The following DNASE1 variants were observed in gnomAD, a reference collection of about 807,000 sequenced individuals.
DNASE1 encodes the protein deoxyribonuclease 1, also known as deoxyribonuclease-1.
A neutral mutation model predicts 33.9 loss-of-function variants in DNASE1; 40 were observed. The observed-to-expected ratio is 1.18, with a 90% CI of 0.92 to 1.54. DNASE1 has a LOEUF of 1.54. Among genes scored for constraint, DNASE1 ranks in the 40% most tolerant of loss-of-function variants. The probability of loss-of-function intolerance (pLI) is 0.00; values close to 1 mark genes in which losing one functional copy is unlikely to be tolerated. For synonymous variants in DNASE1, 216 were observed against 160.0 expected (o/e 1.35, Z -2.64); for missense variants, 518 against 372.6 (o/e 1.39, Z -3.21).
chr16:3,663,067 A>C, downstream of DNASE1: 1 of 888,142 alleles, frequency 1.1e-6, no homozygotes, highest in Non-Finnish European at 1.7e-6. Flanking sequence ...CTCCTCTCCC[A>C]CCAGGATGGA....
At chr16:3,626,034 A>G (rs1163596135) in intron 1 of DNASE1, among the ~76,000 whole-genome samples, 6 of 152,136 alleles carry the variant, frequency 3.9e-5, no homozygotes, top group Admixed American at 6.5e-5. Context: ...TGAGAAGCCA[A>G]GGCTATAGTG....
At chr16:3,624,867 A>G (rs972398348) in intron 1 of DNASE1, among the ~76,000 whole-genome samples, 1 of 151,756 alleles carries the variant, frequency 6.6e-6, no homozygotes, top group Non-Finnish European at 1.5e-5. Flanking sequence ...TTTTTATTTT[A>G]TTTTTTATTT....
intron 1 of DNASE1, among the ~76,000 whole-genome samples, chr16:3,619,353 C>A (rs2041221906): frequency 7.1e-6 from 1 of 140,216 alleles, no homozygotes; most frequent in East Asian, 2.2e-4. Context: ...AATTTTCTTT[C>A]TTTCTTTTAT....
chr16:3,663,259 G>A, exon 10 of DNASE1: 2 of 892,000 alleles, frequency 2.2e-6, no homozygotes, highest in Non-Finnish European at 3.3e-6. Context: ...TCTAAACCAG[G>A]AGGCACCTTC....
intron 1 of DNASE1, among the ~76,000 whole-genome samples, chr16:3,626,522 T>G (rs530207647): frequency 5.9e-5 from 9 of 152,350 alleles, no homozygotes; most frequent in Non-Finnish European, 1.3e-4. Flanking sequence ...TTTTAAAAAT[T>G]TGTTTTGTGA....
rs199538085 is a variant in DNASE1 at position 3,655,415 on chromosome 16, G to A, written c.42G>A (p.Ala14=). ...MKLLGALLAL[A]ALLQGAVSLK... ...TGCTGGGGGCGCTGCTGGCACTGGC[G>A]GCCCTACTGCAGGGGGCCGTGTCCC... Residue 14 remains alanine (A), a synonymous_variant, in exon 2 of 9, where the codon GCG becomes GCA. Transcript: ENST00000246949. The A allele has an allele frequency of 8.1e-6, 13 of 1,614,072 alleles. No homozygotes were observed. The highest frequency in any genetic ancestry group is 2.2e-5 in the South Asian group (2 of 91,088).
At chr16:3,648,055 C>G (rs2042223997) in intron 1 of DNASE1, among the ~76,000 whole-genome samples, 1 of 152,152 alleles carries the variant, frequency 6.6e-6, no homozygotes, top group Admixed American at 6.6e-5. Context: ...GTAATCCCAT[C>G]TACTAGGGAG....
upstream of DNASE1, chr16:3,640,615 A>G: frequency 2.5e-6 from 1 of 397,720 alleles, no homozygotes; most frequent in Non-Finnish European, 4.4e-6. Context: ...TAAACAGAGA[A>G]CAAACAAAAC....
intron 1 of DNASE1, among the ~76,000 whole-genome samples, chr16:3,614,007 G>T (rs1243491765): frequency 6.6e-6 from 1 of 150,514 alleles, no homozygotes; most frequent in Admixed American, 6.6e-5. Flanking sequence ...CTGCTTCCCG[G>T]GTTCACGCCA....
At chr16:3,631,155 T>C (rs2041684419) in intron 1 of DNASE1, among the ~76,000 whole-genome samples, 1 of 151,982 alleles carries the variant, frequency 6.6e-6, no homozygotes, top group African/African-American at 2.4e-5. Context: ...CCCAAGTAGC[T>C]GGGACTACAG....
At chr16:3,651,816 G>C (rs1057309115), upstream of DNASE1, 1 of 152,372 alleles carries the variant, frequency 6.6e-6, no homozygotes, top group Non-Finnish European at 1.5e-5. Flanking sequence ...GCTGTTACAT[G>C]GCAGCATTGA....
At chr16:3,649,854 T>A (rs182865335), upstream of DNASE1, among the ~76,000 whole-genome samples, 1 of 151,932 alleles carries the variant, frequency 6.6e-6, no homozygotes, top group East Asian at 1.9e-4. Context: ...AATTTAGGCA[T>A]GACATGGGCC....
Position 3,655,368 on chromosome 16 carries a change from C to A in DNASE1, c.-1-5C>A. 1 of 1,614,102 alleles carries A rather than the reference C, an allele frequency of 6.2e-7. No individual in the cohort carries two copies. The highest frequency in any genetic ancestry group is 8.5e-7 in the Non-Finnish European group (1 of 1,180,034). ...GTTATGTCTCTGTGCCCTGTGCTCT[C>A]CCAGGATGAGGGGCATGAAGCTGCT... On this transcript the variant is annotated splice_polypyrimidine_tract_variant and splice_region_variant and intron_variant, in intron 1 of 8. Transcript: ENST00000246949.
upstream of DNASE1, among the ~76,000 whole-genome samples, chr16:3,642,389 C>T (rs927166737): frequency 2.4e-4 from 37 of 152,210 alleles, no homozygotes; most frequent in African/African-American, 8.9e-4. Flanking sequence ...CCAAATGGGA[C>T]AGAAGCCTGT....
chr16:3,625,880 G>A (rs941190239), intron 1 of DNASE1, among the ~76,000 whole-genome samples: 9 of 152,276 alleles, frequency 5.9e-5, no homozygotes, highest in East Asian at 3.9e-4. Context: ...CAGAAGGATC[G>A]CTTTAGCCCA....
chr16:3,644,422 G>A (rs1416775248), intron 1 of DNASE1, among the ~76,000 whole-genome samples: 3 of 152,128 alleles, frequency 2.0e-5, no homozygotes, highest in Non-Finnish European at 4.4e-5. Flanking sequence ...AATTAGCCAG[G>A]TGTGGTGGCG....
chr16:3,654,630 T>C, upstream of DNASE1: 1 of 399,020 alleles, frequency 2.5e-6, no homozygotes, highest in Admixed American at 4.4e-5. Context: ...GGACACGGGA[T>C]AGGAACCTTT....
chr16:3,626,058 C>A (rs763689316), intron 1 of DNASE1, among the ~76,000 whole-genome samples: 1 of 151,524 alleles, frequency 6.6e-6, no homozygotes. Context: ...CGTGATTCTG[C>A]CACTGTACTC....
At chr16:3,622,213 G>GAAAAAAAAAA (rs56171298) in intron 1 of DNASE1, among the ~76,000 whole-genome samples, 1 of 68,290 alleles carries the variant, frequency 1.5e-5, no homozygotes. Context: ...GAGCAAGACT[G>GAAAAAAAAAA]AAAAAAAAAA....
Sources: gnomAD v4.1 joint callset for allele counts (sites outside exome capture counted in the v4.1 genomes callset) on GRCh38, gnomAD v4.1.1 for gene constraint, MANE v1.5 for transcripts, NCBI Gene and HGNC (gene_info 2026-07-23, HGNC 2026-07-21) for gene names.